Variants in FIBCD1 observed in about 807,000 individuals in gnomAD.
The protein encoded by FIBCD1 is fibrinogen C domain containing 1.
Under a neutral mutation model 45.1 loss-of-function variants are expected in FIBCD1, and 47 were observed. The observed-to-expected ratio is 1.04, with a 90% confidence interval of 0.82 to 1.33. The LOEUF is 1.33. FIBCD1 is among the 40% of genes most tolerant of loss of function. The probability of loss-of-function intolerance (pLI) is 0.00; values close to 1 mark genes in which losing one functional copy is unlikely to be tolerated. For missense variants in FIBCD1, 653 were observed against 682.2 expected (o/e 0.96, Z 0.48); for synonymous variants, 313 against 308.1 (o/e 1.02, Z -0.17).
chr9:130,915,955 CA>C (rs1832152349), intron 4 of FIBCD1, among the ~76,000 whole-genome samples: 1 of 152,006 alleles, frequency 6.6e-6, no homozygotes, highest in Admixed American at 6.6e-5. Flanking sequence ...TCTTTTGACA[CA>C]GAGTGTTACT....
chr9:130,907,912 A>G (rs1343491967), intron 5 of FIBCD1, among the ~76,000 whole-genome samples: 9 of 151,208 alleles, frequency 6.0e-5, no homozygotes, highest in Non-Finnish European at 7.4e-5. Flanking sequence ...AAAAAAAAAA[A>G]AAAGAAAGAA....
At chr9:130,925,138 T>G (rs1048896509) in intron 2 of FIBCD1, among the ~76,000 whole-genome samples, 2 of 151,510 alleles carry the variant, frequency 1.3e-5, no homozygotes, top group Admixed American at 1.3e-4. Context: ...CCACTCCCCA[T>G]GCAAACATCA....
At chr9:130,940,318 C>T (rs1832602127), upstream of FIBCD1, among the ~76,000 whole-genome samples, 1 of 152,268 alleles carries the variant, frequency 6.6e-6, no homozygotes, top group Non-Finnish European at 1.5e-5. Context: ...TGTTTGTCCC[C>T]AGCCGCCTTT....
At chr9:130,921,443 C>G (rs1408580455) in intron 4 of FIBCD1, among the ~76,000 whole-genome samples, 1 of 152,252 alleles carries the variant, frequency 6.6e-6, no homozygotes, top group African/African-American at 2.4e-5. Context: ...TTAATGCTCA[C>G]TGGCCAGGCA....
intron 4 of FIBCD1, among the ~76,000 whole-genome samples, chr9:130,920,684 A>G (rs957965371): frequency 1.3e-5 from 2 of 152,004 alleles, no homozygotes; most frequent in African/African-American, 4.8e-5. Flanking sequence ...CCTGCCGCCA[A>G]ACCTCCTTAA....
chr9:130,935,865 C>T (rs568008373), intron 1 of FIBCD1, among the ~76,000 whole-genome samples: 20 of 152,310 alleles, frequency 1.3e-4, no homozygotes, highest in South Asian at 2.1e-4. Flanking sequence ...GAATCTTAGT[C>T]GTGGCCTGTG....
chr9:130,924,102 G>A (rs1832313303), intron 3 of FIBCD1, 135 bp downstream of exon 3: 2 of 1,306,738 alleles, frequency 1.5e-6, no homozygotes, highest in Non-Finnish European at 1.0e-6. Flanking sequence ...TGGACCGAGA[G>A]GGCTTCAGCG....
intron 2 of FIBCD1, among the ~76,000 whole-genome samples, chr9:130,929,305 C>A (rs976148245): frequency 6.6e-6 from 1 of 152,120 alleles, no homozygotes; most frequent in Admixed American, 6.6e-5. Flanking sequence ...TGCCAAGTGC[C>A]GTGGGGTGCT....
intron 2 of FIBCD1, among the ~76,000 whole-genome samples, chr9:130,925,898 G>A (rs1832350497): frequency 3.9e-5 from 6 of 152,228 alleles, no homozygotes; most frequent in Admixed American, 3.9e-4. Flanking sequence ...TACAGTGCCG[G>A]CAGTTTACAA....
At chr9:130,911,198 G>C (rs940600764) in intron 5 of FIBCD1, among the ~76,000 whole-genome samples, 1 of 152,166 alleles carries the variant, frequency 6.6e-6, no homozygotes, top group Non-Finnish European at 1.5e-5. Context: ...GAGCCAGCTA[G>C]ACCACGAACC....
chr9:130,919,249 G>A (rs1001936784), intron 4 of FIBCD1, among the ~76,000 whole-genome samples: 2 of 152,242 alleles, frequency 1.3e-5, no homozygotes, highest in East Asian at 3.8e-4. Flanking sequence ...ATGTGAGGGT[G>A]TTGTCCCCGG....
intron 1 of FIBCD1, among the ~76,000 whole-genome samples, chr9:130,934,229 T>A (rs968341392): frequency 6.6e-6 from 1 of 152,034 alleles, no homozygotes; most frequent in African/African-American, 2.4e-5. Context: ...TGGCTCCCAG[T>A]AAGGGCTGAA....
At chr9:130,912,213 C>T (rs566525886) in intron 4 of FIBCD1, among the ~76,000 whole-genome samples, 2 of 151,272 alleles carry the variant, frequency 1.3e-5, no homozygotes, top group East Asian at 3.9e-4. Context: ...CCCAGGAGTT[C>T]GAGACAACAT....
intron 1 of FIBCD1, chr9:130,938,281 T>TGGGGGTGC (rs1832551264): frequency 4.9e-6 from 2 of 404,392 alleles, no homozygotes; most frequent in African/African-American, 2.1e-5. Flanking sequence ...AGGGGGCTGC[T>TGGGGGTGC]GGGGGTGCGG....
intron 4 of FIBCD1, among the ~76,000 whole-genome samples, chr9:130,913,034 G>A (rs369198110): frequency 7.9e-5 from 12 of 152,158 alleles, no homozygotes; most frequent in African/African-American, 2.7e-4. Context: ...CACAGTCAGC[G>A]GGGTGTGACT....
At chr9:130,939,585 A>G (rs1324553869), upstream of FIBCD1, among the ~76,000 whole-genome samples, 1 of 151,850 alleles carries the variant, frequency 6.6e-6, no homozygotes, top group African/African-American at 2.4e-5. Flanking sequence ...CGTGGGCGAA[A>G]TGGGGGTCCC....
chr9:130,930,008 C>G lies in FIBCD1; in HGVS notation c.111G>C (p.Leu37=). Residue 37 remains leucine, a synonymous_variant, in exon 2 of 7, where the codon CTG becomes CTC. Coordinates refer to ENST00000372338, the MANE Select transcript of FIBCD1 (RefSeq NM_032843.5). ...SCGYVLCTVL[L]ALAVLLAVAV... ...CTACAGCCAGCAGCACAGCCAGGGC[C>G]AGCAGCACGGTGCACAGCACGTAGC... is the stretch of plus-strand genomic sequence containing the variant. 6.5e-7 allele frequency: 1 copy of G among 1,534,278 alleles called. No homozygotes were observed.
At chr9:130,921,381 T>C (rs1169079074) in intron 4 of FIBCD1, among the ~76,000 whole-genome samples, 2 of 152,192 alleles carry the variant, frequency 1.3e-5, no homozygotes, top group African/African-American at 2.4e-5. Flanking sequence ...TCCTGACAGA[T>C]GTCGAGAGGT....
At position 130,923,798 on chromosome 9, in the gene FIBCD1, G is replaced by C; in HGVS notation, c.795C>G (p.Tyr265Ter). 5.0e-6 allele frequency: 8 copies of C among 1,612,968 alleles called. No individual in the cohort carries two copies. The highest frequency in any genetic ancestry group is 6.8e-6 in the Non-Finnish European group (8 of 1,179,998). Residue 265 changes from tyrosine (Y) to a stop codon, truncating the protein, a stop_gained, in exon 4 of 7, where the codon TAC becomes TAG. Transcript: ENST00000372338. LOFTEE classifies it high-confidence loss of function. ...CACAGTACACCTGGAAGCCGGCCGG[G>C]TAGTGGGTGGGAAAGACAGAGTAGA... ...DGVYSVFPTHYPAGFQVYCDM... is the reference protein window; with the variant it reads ...DGVYSVFPTH
Sources: allele counts gnomAD v4.1 joint callset (sites outside exome capture counted in the v4.1 genomes callset), GRCh38; gene constraint gnomAD v4.1.1; transcripts MANE v1.5; gene names NCBI Gene and HGNC (gene_info 2026-07-23, HGNC 2026-07-21).